The following STAU2 variants were observed in gnomAD, a reference collection of about 807,000 sequenced individuals.
STAU2 encodes double-stranded RNA-binding protein Staufen homolog 2.
A neutral mutation model predicts 65.9 loss-of-function variants in STAU2; 20 were observed. That is an observed-to-expected ratio of 0.30 (90% CI 0.21 to 0.44). The LOEUF is 0.44. Among genes scored for constraint, STAU2 ranks in the 20% least tolerant of loss-of-function variants. The probability of loss-of-function intolerance (pLI) is 1.00; values close to 1 mark genes in which losing one functional copy is unlikely to be tolerated. For missense variants in STAU2, 558 were observed against 683.9 expected (o/e 0.82, Z 2.05); for synonymous variants, 232 against 233.9 (o/e 0.99, Z 0.07).
At chr8:73,507,229 CT>C (rs1032694732) in intron 13 of STAU2, among the ~76,000 whole-genome samples, 1 of 140,892 alleles carries the variant, frequency 7.1e-6, no homozygotes, top group Non-Finnish European at 1.6e-5. Flanking sequence ...AGAGGAATAA[CT>C]ATCTATGGAA....
intron 13 of STAU2, among the ~76,000 whole-genome samples, chr8:73,520,208 G>C (rs1179849581): frequency 6.6e-6 from 1 of 152,204 alleles, no homozygotes; most frequent in Non-Finnish European, 1.5e-5. Context: ...AGTCTCCTGA[G>C]ATTTCATCCT....
At chr8:73,743,729 C>A (rs1424839748) in intron 1 of STAU2, among the ~76,000 whole-genome samples, 5 of 151,424 alleles carry the variant, frequency 3.3e-5, no homozygotes, top group African/African-American at 1.2e-4. Context: ...CCACCTCGGC[C>A]TCCCAAAGTG....
chr8:73,490,138 T>G lies in STAU2; in HGVS notation c.1530+61874A>C, dbSNP rs547913140. On this transcript the variant is annotated intron_variant, in intron 13 of 14. Transcript: ENST00000524300. ...GACTGATTATATTGTGCCATCACTT[T>G]GTTTTTCTCAGAGGCCTTGGTTTAA... Among the ~76,000 whole-genome samples the G allele has an allele frequency of 2.6e-5, 4 of 152,160 alleles. No individual in the cohort carries two copies. The South Asian group carries it at 6.2e-4, about 24-fold the overall frequency.
chr8:73,548,773 C>G (rs1807114057), intron 13 of STAU2, among the ~76,000 whole-genome samples: 2 of 152,150 alleles, frequency 1.3e-5, no homozygotes, highest in Non-Finnish European at 2.9e-5. Context: ...ACAAACAACA[C>G]TGTTACAGTG....
At chr8:73,647,335 C>T (rs1351976232) in intron 6 of STAU2, among the ~76,000 whole-genome samples, 4 of 152,168 alleles carry the variant, frequency 2.6e-5, no homozygotes, top group African/African-American at 9.7e-5. Flanking sequence ...CAAAACATCC[C>T]TCAATAGGTG....
rs1373182950 is a variant in STAU2, at chr8:73,552,162, A to T, written c.1380T>A (p.Ser460Arg). 4 of 1,613,980 alleles carry T rather than the reference A, an allele frequency of 2.5e-6. No individual in the cohort carries two copies. Among genetic ancestry groups the T allele is most frequent in the South Asian group, 2.2e-5 (2 of 91,068 alleles). Residue 460 changes from serine (S) to arginine (R), a missense_variant, in exon 13 of 15, where the codon AGT becomes AGA. By Grantham distance (110) the Ser-to-Arg change is moderately radical. Coordinates refer to ENST00000524300, the MANE Select transcript of STAU2 (RefSeq NM_001164380.2). ...SFFSISPTSN[S>R]SATIARELLM... ...GGAGTTCCCTGGCAATTGTAGCTGA[A>T]CTATTCGATGTGGGAGATATACTGA...
chr8:73,649,915 A>G (rs1815732395), intron 6 of STAU2, among the ~76,000 whole-genome samples: 1 of 123,696 alleles, frequency 8.1e-6, no homozygotes, highest in Non-Finnish European at 1.7e-5. Context: ...ATATGGTGCA[A>G]AGATAGCACA....
chr8:73,590,163 G>GAGAAGAAGAAAAGGTGGAGGAAA (rs1810667395), intron 11 of STAU2, among the ~76,000 whole-genome samples: 1 of 150,490 alleles, frequency 6.6e-6, no homozygotes, highest in African/African-American at 2.4e-5. Flanking sequence ...GGATAAGAAG[G>GAGAAGAAGAAAAGGTGGAGGAAA]AGAAGAAGAA....
chr8:73,550,341 TA>T, intron 13 of STAU2: 3 of 983,680 alleles, frequency 3.0e-6, no homozygotes, highest in Non-Finnish European at 3.6e-6. Flanking sequence ...GTTAAAATTA[TA>T]ATTATTGTCA....
intron 13 of STAU2, among the ~76,000 whole-genome samples, chr8:73,461,498 T>C (rs1819347849): frequency 6.6e-6 from 1 of 152,050 alleles, no homozygotes; most frequent in African/African-American, 2.4e-5. Context: ...AAGACAATCA[T>C]AAACCTTGTA....
chr8:73,537,014 C>G (rs1806225095), intron 13 of STAU2, among the ~76,000 whole-genome samples: 1 of 152,120 alleles, frequency 6.6e-6, no homozygotes, highest in African/African-American at 2.4e-5. Context: ...AAGTAGCCAT[C>G]ATAAAAATGT....
At chr8:73,530,925 A>G (rs1340555144) in intron 13 of STAU2, among the ~76,000 whole-genome samples, 2 of 152,176 alleles carry the variant, frequency 1.3e-5, no homozygotes, top group African/African-American at 4.8e-5. Context: ...TCAGGGCCAG[A>G]GGGGGCCACT....
At chr8:73,678,575 A>C (rs996900500) in intron 5 of STAU2, among the ~76,000 whole-genome samples, 2 of 152,144 alleles carry the variant, frequency 1.3e-5, no homozygotes, top group Non-Finnish European at 2.9e-5. Flanking sequence ...CTTAATCTTT[A>C]CCATCAAATT....
intron 6 of STAU2, among the ~76,000 whole-genome samples, chr8:73,643,902 AATAG>A (rs1399232109): frequency 6.6e-6 from 1 of 152,254 alleles, no homozygotes; most frequent in Non-Finnish European, 1.5e-5. Context: ...AATTTGCATA[AATAG>A]ATACACTCAT....
intron 12 of STAU2, among the ~76,000 whole-genome samples, chr8:73,566,170 T>C (rs1284031695): frequency 6.6e-6 from 1 of 152,190 alleles, no homozygotes; most frequent in African/African-American, 2.4e-5. Flanking sequence ...TCAGCCCTAA[T>C]AATCTATGAA....
intron 5 of STAU2, among the ~76,000 whole-genome samples, chr8:73,687,248 AAATT>A (rs577757911): frequency 0.064 from 8,101 of 126,952 alleles, 298 homozygotes; most frequent in Middle Eastern, 0.15. Context: ...ATTTAAATAT[AAATT>A]AATTTATATT....
chr8:73,506,887 C>T (rs958295687), intron 13 of STAU2, among the ~76,000 whole-genome samples: 1 of 152,198 alleles, frequency 6.6e-6, no homozygotes, highest in African/African-American at 2.4e-5. Flanking sequence ...ACAGTATCTT[C>T]ACCAGGAGTA....
chr8:73,707,467 C>A (rs1401091842), intron 4 of STAU2, among the ~76,000 whole-genome samples: 1 of 152,084 alleles, frequency 6.6e-6, no homozygotes. Flanking sequence ...ACTAAAAGGT[C>A]AACATGCTGG....
intron 1 of STAU2, among the ~76,000 whole-genome samples, chr8:73,744,740 T>G (rs953607417): frequency 5.9e-5 from 9 of 152,194 alleles, no homozygotes; most frequent in Non-Finnish European, 1.2e-4. Context: ...TCACAATGTA[T>G]GTAACTTACC....
Sources: allele counts gnomAD v4.1 joint callset (sites outside exome capture counted in the v4.1 genomes callset), GRCh38; gene constraint gnomAD v4.1.1; transcripts MANE v1.5; gene names NCBI Gene and HGNC (gene_info 2026-07-23, HGNC 2026-07-21).